Variants in TNS3 observed in about 807,000 individuals in gnomAD.
TNS3 encodes tensin-3.
In TNS3, 45 loss-of-function variants were observed where a neutral mutation model predicts 140.9. The observed-to-expected ratio is 0.32, with a 90% confidence interval of 0.25 to 0.41. The LOEUF (loss-of-function observed/expected upper bound fraction) is 0.41, where lower values mean the gene tolerates loss of function less well. Ranked by LOEUF, TNS3 falls within the 10% of genes least tolerant of loss-of-function variation. TNS3 has a pLI of 1.00. For missense variants in TNS3, 1,716 were observed against 1,906.7 expected (o/e 0.90, Z 1.86); for synonymous variants, 815 against 788.4 (o/e 1.03, Z -0.56).
intron 17 of TNS3, 58 bp from the exon 18 acceptor site, chr7:47,346,414 C>G: frequency 6.3e-7 from 1 of 1,594,282 alleles, no homozygotes; most frequent in Non-Finnish European, 8.6e-7. Flanking sequence ...AGTGAGGCGC[C>G]CCTTCCTTAA....
intron 4 of TNS3, among the ~76,000 whole-genome samples, chr7:47,468,866 C>T (rs763027301): frequency 6.6e-6 from 1 of 152,206 alleles, no homozygotes; most frequent in Non-Finnish European, 1.5e-5. Flanking sequence ...GTAACCAAAA[C>T]AGTACGGTAC....
intron 17 of TNS3, among the ~76,000 whole-genome samples, chr7:47,361,708 T>G (rs1441492756): frequency 2.0e-5 from 3 of 152,178 alleles, no homozygotes; most frequent in Non-Finnish European, 4.4e-5. Context: ...GCTCTGAACT[T>G]TCTTTAGGAT....
chr7:47,343,657 T>C (rs1425942981), intron 20 of TNS3, among the ~76,000 whole-genome samples: 1 of 152,242 alleles, frequency 6.6e-6, no homozygotes, highest in Admixed American at 6.5e-5. Flanking sequence ...AACAGATGCA[T>C]GGCTACCTAT....
intron 4 of TNS3, 54 bp downstream of exon 4, chr7:47,481,049 A>C: frequency 7.9e-7 from 1 of 1,272,138 alleles, no homozygotes; most frequent in Non-Finnish European, 1.0e-6. Context: ...TCAAGAAAGG[A>C]CTTAGTCCTT....
chr7:47,312,801 G>A (rs1050978006), intron 20 of TNS3, among the ~76,000 whole-genome samples: 3 of 152,008 alleles, frequency 2.0e-5, no homozygotes, highest in South Asian at 2.1e-4. Context: ...GTTAATGGGT[G>A]CAGCACACCA....
chr7:47,556,881 C>T (rs906976326), intron 1 of TNS3, among the ~76,000 whole-genome samples: 3 of 152,334 alleles, frequency 2.0e-5, no homozygotes, highest in East Asian at 1.9e-4. Flanking sequence ...AGGAATGGCA[C>T]CTGGCGATTC....
At chr7:47,434,200 G>A (rs1359659207) in intron 8 of TNS3, among the ~76,000 whole-genome samples, 1 of 151,912 alleles carries the variant, frequency 6.6e-6, no homozygotes, top group Non-Finnish European at 1.5e-5. Flanking sequence ...TGCCTTTGCA[G>A]GAAAGATATA....
At chr7:47,562,888 G>A (rs1400589523) in intron 1 of TNS3, among the ~76,000 whole-genome samples, 1 of 152,216 alleles carries the variant, frequency 6.6e-6, no homozygotes, top group Non-Finnish European at 1.5e-5. Flanking sequence ...AGAACAGCAT[G>A]GATAAATCAA....
chr7:47,292,137 G>T, intron 26 of TNS3, 105 bp from the exon 27 acceptor site: 1 of 1,155,970 alleles, frequency 8.7e-7, no homozygotes, highest in Non-Finnish European at 1.3e-6. Flanking sequence ...ATGGTGACAT[G>T]CAATGGTTTT....
At chr7:47,535,832 C>T (rs551545783) in intron 1 of TNS3, among the ~76,000 whole-genome samples, 1 of 152,310 alleles carries the variant, frequency 6.6e-6, no homozygotes, top group South Asian at 2.1e-4. Flanking sequence ...TAAAGGTCGC[C>T]CTGGCAAAAT....
intron 1 of TNS3, among the ~76,000 whole-genome samples, chr7:47,559,105 A>C (rs1800270457): frequency 6.6e-6 from 1 of 152,206 alleles, no homozygotes; most frequent in Non-Finnish European, 1.5e-5. Flanking sequence ...TAATCCCATC[A>C]CTTTGGGAGG....
chr7:47,526,590 C>T (rs1799200603), intron 2 of TNS3, among the ~76,000 whole-genome samples: 1 of 152,232 alleles, frequency 6.6e-6, no homozygotes, highest in Non-Finnish European at 1.5e-5. Context: ...CTGACCTCCA[C>T]CTTTGCTCCT....
chr7:47,472,132 T>C (rs953812594), intron 4 of TNS3, among the ~76,000 whole-genome samples: 1 of 152,244 alleles, frequency 6.6e-6, no homozygotes, highest in Non-Finnish European at 1.5e-5. Context: ...CCTGGCTTTC[T>C]CCCTGTGTCT....
chr7:47,424,985 G>A (rs1305759531), intron 9 of TNS3, among the ~76,000 whole-genome samples: 1 of 152,196 alleles, frequency 6.6e-6, no homozygotes. Context: ...TGAGTGCAGT[G>A]TCTTAACAAT....
intron 11 of TNS3, 44 bp from the exon 12 acceptor site, chr7:47,414,041 G>T: frequency 6.3e-7 from 1 of 1,597,658 alleles, no homozygotes. Flanking sequence ...GACCGGTACA[G>T]AACGAACAGG....
At chr7:47,388,908 G>GGGGAGAGGGAGAGGGAGA (rs139851538) in intron 16 of TNS3, among the ~76,000 whole-genome samples, 1 of 135,554 alleles carries the variant, frequency 7.4e-6, no homozygotes, top group Non-Finnish European at 1.6e-5. Context: ...AGAAGAAGAA[G>GGGGAGAGGGAGAGGGAGA]GGGAGAGGGA....
chr7:47,362,279 G>A (rs1301234850), intron 17 of TNS3, among the ~76,000 whole-genome samples: 2 of 152,134 alleles, frequency 1.3e-5, no homozygotes, highest in Non-Finnish European at 2.9e-5. Flanking sequence ...TGTGCTCACT[G>A]GCACACAGAG....
intron 4 of TNS3, among the ~76,000 whole-genome samples, chr7:47,480,299 C>T (rs763438196): frequency 2.0e-5 from 3 of 152,212 alleles, no homozygotes; most frequent in Non-Finnish European, 4.4e-5. Flanking sequence ...CAGGAGGAAC[C>T]ACAGGGTGCA....
chr7:47,293,958 C>T, intron 24 of TNS3, 130 bp from the exon 25 acceptor site: 2 of 807,048 alleles, frequency 2.5e-6, no homozygotes, highest in Non-Finnish European at 2.0e-6. Context: ...CCAGTCACTG[C>T]AAAAGAGGCT....
Sources: allele counts gnomAD v4.1 joint callset (sites outside exome capture counted in the v4.1 genomes callset), GRCh38; gene constraint gnomAD v4.1.1; transcripts MANE v1.5; gene names NCBI Gene and HGNC (gene_info 2026-07-23, HGNC 2026-07-21).